ARHGAP24: variants seen among roughly 807,000 people sequenced by gnomAD.
ARHGAP24 encodes rho GTPase-activating protein 24.
ARHGAP24 carries 50 observed loss-of-function variants against 76.4 expected under a neutral mutation model. The observed-to-expected ratio is 0.65, with a 90% CI of 0.52 to 0.83. The LOEUF is 0.83. ARHGAP24 is among the 40% of genes least tolerant of loss of function. ARHGAP24 has a pLI of 0.00. For missense variants in ARHGAP24, 930 were observed against 914.2 expected, an observed-to-expected ratio of 1.02 and a Z score of -0.22; for synonymous variants, 345 against 323.3, an observed-to-expected ratio of 1.07 and a Z score of -0.72.
intron 1 of ARHGAP24, among the ~76,000 whole-genome samples, chr4:85,532,693 T>A (rs1725318013): frequency 6.6e-6 from 1 of 152,176 alleles, no homozygotes; most frequent in Non-Finnish European, 1.5e-5. Flanking sequence ...ACAATAGTTG[T>A]TTTTACCAGT....
At chr4:85,715,236 A>G (rs1430483657) in intron 2 of ARHGAP24, among the ~76,000 whole-genome samples, 1 of 152,128 alleles carries the variant, frequency 6.6e-6, no homozygotes, top group East Asian at 1.9e-4. Flanking sequence ...TGCAAACACG[A>G]TAGTAAAAAC....
At chr4:85,996,489 T>C (rs1740666216) in intron 9 of ARHGAP24, among the ~76,000 whole-genome samples, 1 of 152,218 alleles carries the variant, frequency 6.6e-6, no homozygotes, top group African/African-American at 2.4e-5. Flanking sequence ...CATGGTGTGC[T>C]AGGATCCTCA....
chr4:85,647,228 C>T (rs1721758656), intron 2 of ARHGAP24, among the ~76,000 whole-genome samples: 1 of 151,992 alleles, frequency 6.6e-6, no homozygotes, highest in African/African-American at 2.4e-5. Flanking sequence ...TAGACATCGT[C>T]ATAGTTGTAG....
At chr4:85,908,651 A>G (rs1449020418) in intron 3 of ARHGAP24, among the ~76,000 whole-genome samples, 1 of 152,174 alleles carries the variant, frequency 6.6e-6, no homozygotes, top group Non-Finnish European at 1.5e-5. Flanking sequence ...AATGATTCTA[A>G]TAATAGTGAA....
intron 2 of ARHGAP24, among the ~76,000 whole-genome samples, chr4:85,693,675 C>T (rs772329640): frequency 6.6e-6 from 1 of 152,214 alleles, no homozygotes; most frequent in African/African-American, 2.4e-5. Context: ...TATGCACACA[C>T]TCCTGTTGGG....
intron 3 of ARHGAP24, among the ~76,000 whole-genome samples, chr4:85,895,101 A>T (rs993390518): frequency 4.6e-5 from 7 of 151,708 alleles, no homozygotes; most frequent in African/African-American, 1.7e-4. Context: ...TAATGCATAC[A>T]CTGTACACTG....
chr4:85,979,974 T>C (rs1396145227), intron 8 of ARHGAP24, among the ~76,000 whole-genome samples: 1 of 152,258 alleles, frequency 6.6e-6, no homozygotes, highest in African/African-American at 2.4e-5. Flanking sequence ...CATCTTCAAG[T>C]TGTCTTCTTA....
chr4:85,591,679 G>T (rs1728116312), intron 2 of ARHGAP24, among the ~76,000 whole-genome samples: 1 of 152,118 alleles, frequency 6.6e-6, no homozygotes, highest in Non-Finnish European at 1.5e-5. Flanking sequence ...ATAAATTGCA[G>T]CGGCTCAAGA....
At chr4:85,750,199 T>C (rs933603882) in intron 3 of ARHGAP24, among the ~76,000 whole-genome samples, 2 of 152,188 alleles carry the variant, frequency 1.3e-5, no homozygotes, top group Non-Finnish European at 2.9e-5. Flanking sequence ...CAGTTAGTGA[T>C]AAGTGCTATG....
At chr4:85,935,677 T>C (rs1736592167) in intron 4 of ARHGAP24, among the ~76,000 whole-genome samples, 1 of 152,216 alleles carries the variant, frequency 6.6e-6, no homozygotes, top group South Asian at 2.1e-4. Flanking sequence ...TCTGTTTCCC[T>C]GTTTGTAGAA....
At chr4:85,612,460 T>C (rs1192243226) in intron 2 of ARHGAP24, among the ~76,000 whole-genome samples, 4 of 118,880 alleles carry the variant, frequency 3.4e-5, no homozygotes, top group African/African-American at 7.7e-5. Flanking sequence ...AAAAGACCAA[T>C]GTATAGCAAA....
At chr4:85,578,713 A>G (rs138993006) in intron 2 of ARHGAP24, among the ~76,000 whole-genome samples, 54 of 150,876 alleles carry the variant, frequency 3.6e-4, no homozygotes, top group East Asian at 7.9e-4. Flanking sequence ...CTGTCCATAT[A>G]TAAAGCAGTT....
rs1047264932 is a variant in ARHGAP24 at position 85,972,165 on chromosome 4, A to G, written c.729A>G (p.Glu243=). The G allele has an allele frequency of 5.0e-6, 8 of 1,613,600 alleles. No homozygotes were observed. The highest frequency in any genetic ancestry group is 6.8e-6 in the Non-Finnish European group (8 of 1,179,974). The change falls in exon 6 of 10, where the codon GAA becomes GAG. Residue 243 remains glutamate, a synonymous_variant. Coordinates refer to ENST00000395184, the MANE Select transcript of ARHGAP24 (RefSeq NM_001025616.3). ...CCAAACTGCTCAGCAAGGAAGAGGAAGCAGTAAGTTGATGCATTTATTTCC... is the reference window on the plus strand; with the variant it reads ...CCAAACTGCTCAGCAAGGAAGAGGAGGCAGTAAGTTGATGCATTTATTTCC... ...SCAKLLSKEE[E]AGVKELAKQV... is the part of the protein sequence containing the mutation.
intron 3 of ARHGAP24, among the ~76,000 whole-genome samples, chr4:85,747,710 A>C (rs868569715): frequency 2.7e-5 from 4 of 149,496 alleles, no homozygotes; most frequent in African/African-American, 1.0e-4. Flanking sequence ...CTAAAACAAA[A>C]ACAAACAAAC....
At chr4:85,772,787 A>G (rs1395238546) in intron 3 of ARHGAP24, among the ~76,000 whole-genome samples, 7 of 152,218 alleles carry the variant, frequency 4.6e-5, no homozygotes, top group Non-Finnish European at 1.0e-4. Context: ...TAGGAAACCT[A>G]ATTTTCTGCC....
At chr4:85,803,908 A>AT (rs1306393055) in intron 3 of ARHGAP24, among the ~76,000 whole-genome samples, 3 of 149,938 alleles carry the variant, frequency 2.0e-5, no homozygotes, top group South Asian at 2.1e-4. Flanking sequence ...GAATTTTTAT[A>AT]TTTTTTTATA....
chr4:85,706,942 G>A (rs1724332993), intron 2 of ARHGAP24, among the ~76,000 whole-genome samples: 1 of 151,722 alleles, frequency 6.6e-6, no homozygotes, highest in African/African-American at 2.4e-5. Context: ...TTGTGACAGG[G>A]TCTTGCTCTG....
intron 2 of ARHGAP24, among the ~76,000 whole-genome samples, chr4:85,662,230 T>G (rs374900919): frequency 1.3e-5 from 2 of 152,054 alleles, no homozygotes; most frequent in Admixed American, 6.6e-5. Flanking sequence ...GAGATGGTAT[T>G]TCATTGTGGT....
At chr4:85,592,978 G>A (rs1434149726) in intron 2 of ARHGAP24, among the ~76,000 whole-genome samples, 1 of 152,022 alleles carries the variant, frequency 6.6e-6, no homozygotes, top group East Asian at 1.9e-4. Context: ...ACCTAGCAAT[G>A]GGATTAACGG....
Sources: gnomAD v4.1 joint callset for allele counts (sites outside exome capture counted in the v4.1 genomes callset) on GRCh38, gnomAD v4.1.1 for gene constraint, MANE v1.5 for transcripts, NCBI Gene and HGNC (gene_info 2026-07-23, HGNC 2026-07-21) for gene names.